Variants in CDK4 observed in about 807,000 individuals in gnomAD.
CDK4 encodes the protein cyclin dependent kinase 4.
In CDK4, 13 loss-of-function variants were observed where a neutral mutation model predicts 36.7. That is an observed-to-expected ratio of 0.35 (90% CI 0.23 to 0.56). The LOEUF (loss-of-function observed/expected upper bound fraction) is 0.56. Ranked by LOEUF, CDK4 falls within the 20% of genes least tolerant of loss-of-function variation. The probability of loss-of-function intolerance (pLI) is 0.85; values close to 1 mark genes in which losing one functional copy is unlikely to be tolerated. For missense variants in CDK4, 285 were observed against 387.3 expected (o/e 0.74, Z 2.22); for synonymous variants, 158 against 146.4 (o/e 1.08, Z -0.57).
At position 57,751,797 on chromosome 12, in the gene CDK4, C is replaced by A; in HGVS notation, c.-19-61G>T. 7.9e-7 allele frequency: 1 copy of A among 1,257,934 alleles called. No homozygotes were observed. Among genetic ancestry groups the A allele is most frequent in the Non-Finnish European group, 1.1e-6 (1 of 873,692 alleles). 77.9% of individuals were successfully genotyped at this position (1,257,934 alleles called of 1,614,324 possible). On this transcript the variant is annotated intron_variant, in intron 1 of 7. Coordinates refer to ENST00000257904, the MANE Select transcript of CDK4 (RefSeq NM_000075.4). This position sits in a 1 kb window ranked among gnomAD's most constrained non-coding sequence, Gnocchi z 4.5. ...ACAGAGTTAGGATGGTATGAGCCTG[C>A]AGCAACAAAGGGACTCCCAAAAAAA...
At chr12:57,749,903 A>G in intron 5 of CDK4, 1 of 288,506 alleles carries the variant, frequency 3.5e-6, no homozygotes, top group Non-Finnish European at 6.7e-6. Context: ...AGGCTGAGTC[A>G]AGAGAATTGC....
chr12:57,750,975 G>C lies in CDK4; in HGVS notation c.470C>G (p.Ala157Gly). 1 of 1,614,082 alleles carries C rather than the reference G, an allele frequency of 6.2e-7. No individual in the cohort carries two copies. The highest frequency in any genetic ancestry group is 1.1e-5 in the South Asian group (1 of 91,072). ...LVTSGGTVKL[A>G]DFGLARIYSY... Reference sequence around the variant, plus strand: ...GTAGATTCTGGCCAGGCCAAAGTCAGCCAGCTTGACTGTTCCACCACTTGT... The same window carrying C: ...GTAGATTCTGGCCAGGCCAAAGTCACCCAGCTTGACTGTTCCACCACTTGT... Residue 157 changes from alanine to glycine, a missense_variant, in exon 4 of 8, where the codon GCT (alanine) becomes GGT (glycine). Coordinates refer to ENST00000257904, the MANE Select transcript of CDK4 (RefSeq NM_000075.4).
At position 57,750,769 on chromosome 12, in the gene CDK4, A is replaced by T. The variant is rs587780667; in HGVS notation, c.523-4T>A. ...CTCGGTACCAGAGTGTAACAACCTA[A>T]AGGGAATAGGAAGAATGGATGGGGA... On this transcript the variant is annotated splice_polypyrimidine_tract_variant and splice_region_variant and intron_variant, in intron 4 of 7. Coordinates refer to ENST00000257904, the MANE Select transcript of CDK4 (RefSeq NM_000075.4). 85 of 1,611,710 alleles carry T rather than the reference A, an allele frequency of 5.3e-5. 1 individual carries two copies. Among genetic ancestry groups the T allele is most frequent in the South Asian group, 4.4e-4 (40 of 91,038 alleles).
chr12:57,748,946 T>TAG, intron 7 of CDK4: 1 of 593,408 alleles, frequency 1.7e-6, no homozygotes, highest in South Asian at 2.0e-5. Flanking sequence ...CCTCAGGTGA[T>TAG]ACGCCCACCT....
intron 1 of CDK4, 34 bp downstream of exon 1, chr12:57,752,141 C>T (rs1365574486): frequency 3.1e-6 from 1 of 324,922 alleles, no homozygotes; most frequent in Non-Finnish European, 5.9e-6. Context: ...GGGGCGGGCA[C>T]TGGTTCTCAT....
chr12:57,752,151 T>G, intron 1 of CDK4, 24 bp downstream of exon 1: 1 of 322,430 alleles, frequency 3.1e-6, no homozygotes, highest in Non-Finnish European at 6.0e-6. Flanking sequence ...CTGGTTCTCA[T>G]TCCTGGGAAG....
chr12:57,751,474 C>T lies in CDK4; in HGVS notation c.218+26G>A, dbSNP rs530274505. On this transcript the variant is annotated intron_variant, in intron 2 of 7. Coordinates refer to ENST00000257904, the MANE Select transcript of CDK4 (RefSeq NM_000075.4). The surrounding 1 kb of genome is among the most constrained non-coding windows in gnomAD (Gnocchi z 4.5). ...GGCTGTCTTTTCCCTTTACTCCCCA[C>T]GCCCAACCCTCCACCACCTTCTCAC... 317 of 1,611,342 alleles carry T rather than the reference C, an allele frequency of 2.0e-4. 5 individuals are homozygous for T. The South Asian group carries it at 2.5e-3, about 13-fold the overall frequency.
At chr12:57,749,795 G>C (rs1327985823) in intron 5 of CDK4, 2 of 472,778 alleles carry the variant, frequency 4.2e-6, no homozygotes, top group African/African-American at 3.9e-5. Flanking sequence ...TCAAGAGATC[G>C]AGACCATCCT....
chr12:57,750,437 C>T (rs1200134391), intron 5 of CDK4: 3 of 552,106 alleles, frequency 5.4e-6, no homozygotes, highest in South Asian at 1.8e-5. Context: ...CATGGAGGTG[C>T]GTGCCTGTAG....
rs1358878722 is a variant in CDK4 at position 57,749,217 on chromosome 12, G to T, written c.784C>A (p.Pro262Thr). 1 of 1,613,992 alleles carries T rather than the reference G, an allele frequency of 6.2e-7. No individual in the cohort carries two copies. The highest frequency in any genetic ancestry group is 2.2e-5 in the East Asian group (1 of 44,886). The change falls in exon 7 of 8, where the codon CCT (proline) becomes ACT (threonine). Residue 262 changes from proline (P) to threonine (T), a missense_variant. Pro to Thr is a conservative substitution (Grantham distance 38). Transcript: ENST00000257904. ...RGPRPVQSVV[P>T]EMEESGAQLL... ...TGTGCTCCCGACTCCTCCATCTCAG[G>T]TACCACCGACTGCACTGGGCGGGGC...
intron 5 of CDK4, 46 bp from the exon 6 acceptor site, chr12:57,749,550 C>T (rs374385068): frequency 2.0e-5 from 32 of 1,575,286 alleles, no homozygotes; most frequent in Non-Finnish European, 2.7e-5. Context: ...TCAAAGATAT[C>T]TTAGTTGAAT....
chr12:57,749,408 GA>G (rs1462909304), intron 6 of CDK4, 45 bp downstream of exon 6: 1 of 1,613,174 alleles, frequency 6.2e-7, no homozygotes, highest in Admixed American at 1.7e-5. Flanking sequence ...TCAGCAGAAA[GA>G]GGACTCAGAA....
At chr12:57,749,348 G>A (rs2140383320) in intron 6 of CDK4, 31 bp from the exon 7 acceptor site, 1 of 1,614,134 alleles carries the variant, frequency 6.2e-7, no homozygotes, top group Non-Finnish European at 8.5e-7. Context: ...CTGGTCAGGA[G>A]GGTCCTCCAG....
intron 7 of CDK4, 80 bp from the exon 8 acceptor site, chr12:57,748,697 T>G (rs779205733): frequency 1.1e-6 from 1 of 937,216 alleles, no homozygotes; most frequent in Non-Finnish European, 1.7e-6. Flanking sequence ...GGATGAGCTT[T>G]CTTCTTTTTT....
Position 57,751,968 on chromosome 12 carries a change from G to C in CDK4, c.-20+207C>G, listed in dbSNP as rs1955242997. 7 of 557,054 alleles carry C rather than the reference G, an allele frequency of 1.3e-5. No homozygotes were observed. The highest frequency in any genetic ancestry group is 1.9e-5 in the Non-Finnish European group (6 of 310,320). The allele number at this position is 557,054 out of a possible 1,614,324, so 34.5% of individuals were successfully genotyped here. A position where few individuals can be genotyped will look rare whatever the true frequency, so the allele number is the denominator to read the frequency against. On this transcript the variant is annotated intron_variant, in intron 1 of 7. Coordinates refer to ENST00000257904, the MANE Select transcript of CDK4 (RefSeq NM_000075.4). This position sits in a 1 kb window ranked among gnomAD's most constrained non-coding sequence, Gnocchi z 4.5. ...AAACGCTTTTTCCTTTGGGACAATCGCGCCCCGCACAAAGATCACACATGA... is the reference window on the plus strand; with the variant it reads ...AAACGCTTTTTCCTTTGGGACAATCCCGCCCCGCACAAAGATCACACATGA...
In CDK4 at chr12:57,749,449, C is replaced by A. The variant is rs776219471; in HGVS notation, c.683+5G>T. The A allele has an allele frequency of 6.2e-7, 1 of 1,614,166 alleles. No individual in the cohort carries two copies. The highest frequency in any genetic ancestry group is 8.5e-7 in the Non-Finnish European group (1 of 1,179,996). On this transcript the variant is annotated splice_donor_5th_base_variant and intron_variant, in intron 6 of 7. Transcript: ENST00000257904. ...AAATCTTTTTCTCCCATGTTGGTCA[C>A]TTACTCAAAGATTTTGCCCAACTGG...
In CDK4 at chr12:57,747,747, CTTT is replaced by C. The variant is rs146863045; in HGVS notation, c.*775_*777del. 2.0e-4 allele frequency: 31 copies of C among 151,336 alleles called. No homozygotes were observed. Among genetic ancestry groups the C allele is most frequent in the Admixed American group, 5.3e-4 (8 of 15,054 alleles). The allele number at this position is 151,336 out of a possible 1,614,324, so 9.4% of individuals were successfully genotyped here. A position where few individuals can be genotyped will look rare whatever the true frequency, so the allele number is the denominator to read the frequency against. On this transcript the variant is annotated 3_prime_UTR_variant, in exon 8 of 8. Coordinates refer to ENST00000257904, the MANE Select transcript of CDK4 (RefSeq NM_000075.4). The stretch of plus-strand genomic sequence containing the variant: ...TAAAAGCCATTTAAAAATCTATATT[CTTT>C]TTTTTTTTTTGACACAGAGTCTTGC...
rs2140382614 is a variant in CDK4, at chr12:57,749,184, G to C, written c.817C>G (p.Leu273Val). 1 of 1,613,982 alleles carries C rather than the reference G, an allele frequency of 6.2e-7. No homozygotes were observed. Among genetic ancestry groups the C allele is most frequent in the Non-Finnish European group, 8.5e-7 (1 of 1,179,856 alleles). ...GTGCCCACAGCCATCTCCAGTACCAGCAGCAGCTGTGCTCCCGACTCCTCC... is the reference window on the plus strand; with the variant it reads ...GTGCCCACAGCCATCTCCAGTACCACCAGCAGCTGTGCTCCCGACTCCTCC... ...EMEESGAQLL[L>V]EMLTFNPHKR... is the part of the protein sequence containing the mutation. Residue 273 changes from leucine to valine, a missense_variant and splice_region_variant, in exon 7 of 8, where the codon CTG becomes GTG. Physicochemically the swap from Leu to Val is conservative, Grantham distance 32. Coordinates refer to ENST00000257904, the MANE Select transcript of CDK4 (RefSeq NM_000075.4).
Position 57,748,030 on chromosome 12 carries a change from C to T in CDK4, c.*495G>A. 4.0e-6 allele frequency: 1 copy of T among 252,384 alleles called. No individual in the cohort carries two copies. The highest frequency in any genetic ancestry group is 4.9e-5 in the Admixed American group (1 of 20,518). 15.6% of individuals were successfully genotyped at this position (252,384 alleles called of 1,614,324 possible). On this transcript the variant is annotated 3_prime_UTR_variant, in exon 8 of 8. Transcript: ENST00000257904. The stretch of plus-strand genomic sequence containing the variant: ...GTGCTGGGATTATAGGCGTGAGCCA[C>T]CACGCCCCGCCTAAAATCCATATTC...
Sources: gnomAD v4.1 joint callset for allele counts on GRCh38, gnomAD v4.1.1 for gene constraint, Gnocchi (gnomAD v3.1) non-coding constraint, MANE v1.5 for transcripts, NCBI Gene and HGNC (gene_info 2026-07-23, HGNC 2026-07-21) for gene names.